Variants in MEF2C observed in about 807,000 individuals in gnomAD.
MEF2C encodes the protein myocyte-specific enhancer factor 2C.
Under a neutral mutation model 50.5 loss-of-function variants are expected in MEF2C, and 6 were observed. That is an observed-to-expected ratio of 0.12 (90% CI 0.07 to 0.23). The LOEUF (loss-of-function observed/expected upper bound fraction) is 0.23. Ranked by LOEUF, MEF2C falls within the 10% of genes least tolerant of loss-of-function variation. MEF2C has a pLI of 1.00. For synonymous variants in MEF2C, 183 were observed against 228.0 expected (o/e 0.80, Z 1.78); for missense variants, 276 against 605.0 (o/e 0.46, Z 5.70).
At chr5:88,843,296 T>C (rs1157500297) in intron 1 of MEF2C, 1 of 977,690 alleles carries the variant, frequency 1.0e-6, no homozygotes, top group Admixed American at 6.2e-5. Context: ...GTGAGATGGA[T>C]AGACATGTTA....
chr5:88,805,063 G>A (rs891709373), intron 2 of MEF2C, among the ~76,000 whole-genome samples: 1 of 152,068 alleles, frequency 6.6e-6, no homozygotes, highest in African/African-American at 2.4e-5. Flanking sequence ...GGTGACCAGG[G>A]AACTGGTCAT....
At chr5:88,874,764 A>T (rs1424993137) in intron 1 of MEF2C, among the ~76,000 whole-genome samples, 2 of 152,018 alleles carry the variant, frequency 1.3e-5, no homozygotes, top group Non-Finnish European at 2.9e-5. Context: ...TCATATAGGC[A>T]ATTAATAATT....
chr5:88,772,222 G>C (rs1782696063), intron 3 of MEF2C: 1 of 152,172 alleles, frequency 6.6e-6, no homozygotes, highest in South Asian at 2.1e-4. Flanking sequence ...AAAGTCTTGA[G>C]GTTGGCAACT....
chr5:88,820,791 T>A (rs1807961429), intron 2 of MEF2C, among the ~76,000 whole-genome samples: 1 of 151,950 alleles, frequency 6.6e-6, no homozygotes, highest in African/African-American at 2.4e-5. Flanking sequence ...TGTTTCGGAT[T>A]TGCTGGTTTT....
In MEF2C at chr5:88,731,715, T is replaced by C. The variant is rs376014780; in HGVS notation, c.810+14A>G. 2.5e-5 allele frequency: 40 copies of C among 1,605,792 alleles called. No individual in the cohort carries two copies. The highest frequency in any genetic ancestry group is 3.3e-5 in the Admixed American group (2 of 59,816). ...ACATTATCAATATTTATTTAAAATG[T>C]AGTTTTGTATTACCACTGATGGCAT... On this transcript the variant is annotated intron_variant, in intron 7 of 10. Coordinates refer to ENST00000504921, the MANE Select transcript of MEF2C (RefSeq NM_002397.5).
intron 3 of MEF2C, among the ~76,000 whole-genome samples, chr5:88,774,391 C>T (rs1039498077): frequency 6.7e-6 from 1 of 149,596 alleles, no homozygotes; most frequent in Non-Finnish European, 1.5e-5. Flanking sequence ...GGGGCGATCT[C>T]GGCTCACTGC....
At position 88,717,142 on chromosome 5, in the gene MEF2C, A is replaced by T. The variant is rs1302055260; in HGVS notation, c.*5462T>A. Reference sequence around the variant, plus strand: ...TAAAATTATTAAGGATAATTTTATTATCAGGATATTATCAGGATAATGATA... The same window carrying T: ...TAAAATTATTAAGGATAATTTTATTTTCAGGATATTATCAGGATAATGATA... On this transcript the variant is annotated 3_prime_UTR_variant, in exon 11 of 11. Coordinates refer to ENST00000504921, the MANE Select transcript of MEF2C (RefSeq NM_002397.5). 1 of 152,228 alleles carries T rather than the reference A, an allele frequency of 6.6e-6. No homozygotes were observed. Among genetic ancestry groups the T allele is most frequent in the Admixed American group, 6.5e-5 (1 of 15,280 alleles). 9.4% of individuals were successfully genotyped at this position (152,228 alleles called of 1,614,324 possible).
intron 2 of MEF2C, among the ~76,000 whole-genome samples, chr5:88,819,059 G>T (rs1489250642): frequency 6.6e-6 from 1 of 151,928 alleles, no homozygotes; most frequent in Non-Finnish European, 1.5e-5. Flanking sequence ...TAGTGATGAG[G>T]GTACTGCTGA....
At chr5:88,789,764 T>G (rs1792852886) in intron 3 of MEF2C, among the ~76,000 whole-genome samples, 1 of 152,134 alleles carries the variant, frequency 6.6e-6, no homozygotes, top group African/African-American at 2.4e-5. Context: ...TAAACACCAT[T>G]GAGACATGAC....
chr5:88,900,100 G>A (rs1835491871), intron 1 of MEF2C, among the ~76,000 whole-genome samples: 5 of 151,924 alleles, frequency 3.3e-5, no homozygotes. Context: ...TTCAGAATGT[G>A]GTAGATTTCA....
At chr5:88,764,752 G>A (rs993242680) in intron 3 of MEF2C, among the ~76,000 whole-genome samples, 2 of 139,324 alleles carry the variant, frequency 1.4e-5, no homozygotes, top group Non-Finnish European at 3.1e-5. Flanking sequence ...AGATTGCAGT[G>A]AGCCGAGATC....
rs1345914694 is a variant in MEF2C at position 88,731,714 on chromosome 5, G to A, written c.810+15C>T. 2.5e-6 allele frequency: 4 copies of A among 1,604,384 alleles called. No individual in the cohort carries two copies. Among genetic ancestry groups the A allele is most frequent in the Non-Finnish European group, 3.4e-6 (4 of 1,171,896 alleles). ...AACATTATCAATATTTATTTAAAATGTAGTTTTGTATTACCACTGATGGCA... is the reference window on the plus strand; with the variant it reads ...AACATTATCAATATTTATTTAAAATATAGTTTTGTATTACCACTGATGGCA... On this transcript the variant is annotated intron_variant, in intron 7 of 10. Transcript: ENST00000504921.
At chr5:88,891,393 CTTTTTTTTTTTTTT>C (rs771799863) in intron 1 of MEF2C, among the ~76,000 whole-genome samples, 1 of 104,888 alleles carries the variant, frequency 9.5e-6, no homozygotes, top group East Asian at 2.5e-4. Flanking sequence ...ACCAACCAAC[CTTTTTTTTTTTTTT>C]TTTTTTTTGA....
rs114576672 is a variant in MEF2C, at chr5:88,869,985, C to T, written c.-143+12970G>A. On this transcript the variant is annotated intron_variant, in intron 1 of 10. Coordinates refer to ENST00000504921, the MANE Select transcript of MEF2C (RefSeq NM_002397.5). Reference sequence around the variant, plus strand: ...TATCAGATCAAATAACTGGTACTTACGGCCATATCCTAAGTATTCTATTAC... The same window carrying T: ...TATCAGATCAAATAACTGGTACTTATGGCCATATCCTAAGTATTCTATTAC... Among the ~76,000 whole-genome samples the T allele has an allele frequency of 1.8e-3, 270 of 151,140 alleles. 1 individual carries two copies. The highest frequency in any genetic ancestry group is 6.8e-3 in the Middle Eastern group (2 of 294).
intron 1 of MEF2C, among the ~76,000 whole-genome samples, chr5:88,879,873 AC>A (rs1427012303): frequency 6.6e-6 from 1 of 152,142 alleles, no homozygotes; most frequent in Non-Finnish European, 1.5e-5. Flanking sequence ...CCATTCCTCA[AC>A]AATCAGCTTT....
At chr5:88,770,334 T>C (rs1186487541) in intron 3 of MEF2C, among the ~76,000 whole-genome samples, 2 of 152,232 alleles carry the variant, frequency 1.3e-5, no homozygotes, top group Admixed American at 6.5e-5. Context: ...ATGTAGATGT[T>C]ATCCTGGGTC....
intron 6 of MEF2C, chr5:88,741,059 A>G (rs1766498459): frequency 1.0e-6 from 1 of 985,432 alleles, no homozygotes; most frequent in African/African-American, 1.7e-5. Flanking sequence ...AATGTGTTGC[A>G]CTGTACTGTA....
chr5:88,764,565 T>C (rs541618179), intron 3 of MEF2C, among the ~76,000 whole-genome samples: 1 of 120,288 alleles, frequency 8.3e-6, no homozygotes, highest in African/African-American at 2.6e-5. Flanking sequence ...ATCCCAGCAC[T>C]TTGGGAGGCC....
chr5:88,833,112 T>A (rs1561255822), intron 1 of MEF2C, among the ~76,000 whole-genome samples: 1 of 152,174 alleles, frequency 6.6e-6, no homozygotes, highest in African/African-American at 2.4e-5. Context: ...AAAAACATTA[T>A]GTGCATTTTC....
Sources: allele counts gnomAD v4.1 joint callset (sites outside exome capture counted in the v4.1 genomes callset), GRCh38; gene constraint gnomAD v4.1.1; transcripts MANE v1.5; gene names NCBI Gene and HGNC (gene_info 2026-07-23, HGNC 2026-07-21).